SGCD: variants seen among roughly 807,000 people sequenced by gnomAD.
SGCD encodes the protein delta-sarcoglycan.
A neutral mutation model predicts 36.6 loss-of-function variants in SGCD; 18 were observed. The observed-to-expected ratio is 0.49, with a 90% CI of 0.34 to 0.73. The LOEUF (loss-of-function observed/expected upper bound fraction) is 0.73, where lower values mean the gene tolerates loss of function less well. SGCD is among the 30% of genes least tolerant of loss of function. The pLI is 0.01. For missense variants in SGCD, 387 were observed against 346.7 expected, an observed-to-expected ratio of 1.12 and a Z score of -0.92; for synonymous variants, 133 against 130.6, an observed-to-expected ratio of 1.02 and a Z score of -0.12.
At chr5:156,633,783 C>T (rs759151324) in intron 6 of SGCD, among the ~76,000 whole-genome samples, 3 of 152,144 alleles carry the variant, frequency 2.0e-5, no homozygotes, top group Non-Finnish European at 4.4e-5. Context: ...ACAAAGCGTA[C>T]ATGGTGTCAA....
chr5:156,217,165 A>ACAAC (rs1476411435), intron 3 of SGCD, among the ~76,000 whole-genome samples: 1 of 152,212 alleles, frequency 6.6e-6, no homozygotes, highest in Non-Finnish European at 1.5e-5. Flanking sequence ...AAAAGTATTA[A>ACAAC]CGTGATTGAC....
At chr5:156,178,625 A>G (rs1763527525) in intron 3 of SGCD, among the ~76,000 whole-genome samples, 2 of 152,252 alleles carry the variant, frequency 1.3e-5, no homozygotes, top group South Asian at 4.1e-4. Context: ...GAACGATGGC[A>G]TTCTGATGGA....
At chr5:155,884,729 C>T (rs954602215) in intron 1 of SGCD, among the ~76,000 whole-genome samples, 4 of 152,154 alleles carry the variant, frequency 2.6e-5, no homozygotes, top group South Asian at 2.1e-4. Context: ...TTGTTGGTTA[C>T]GTGACTTTGA....
At chr5:156,151,786 G>A (rs1375894207) in intron 3 of SGCD, among the ~76,000 whole-genome samples, 1 of 151,454 alleles carries the variant, frequency 6.6e-6, no homozygotes, top group Admixed American at 6.6e-5. Flanking sequence ...TTAAGATACA[G>A]CTGGACCAAA....
At chr5:156,299,827 T>G (rs1334980596) in intron 3 of SGCD, among the ~76,000 whole-genome samples, 1 of 152,064 alleles carries the variant, frequency 6.6e-6, no homozygotes, top group Non-Finnish European at 1.5e-5. Context: ...AGTTCTAATC[T>G]TTTTTTGGTG....
chr5:156,392,541 C>T (rs1039331374), intron 3 of SGCD, among the ~76,000 whole-genome samples: 2 of 152,144 alleles, frequency 1.3e-5, no homozygotes, highest in Admixed American at 6.5e-5. Context: ...TTACAGGGTG[C>T]TCTTTTAGTT....
At chr5:156,283,416 T>G (rs901447628) in intron 3 of SGCD, among the ~76,000 whole-genome samples, 1 of 152,168 alleles carries the variant, frequency 6.6e-6, no homozygotes, top group African/African-American at 2.4e-5. Context: ...CCTTTAATAT[T>G]TCTTTACACT....
chr5:155,912,162 G>A (rs1756643022), intron 1 of SGCD, among the ~76,000 whole-genome samples: 1 of 151,988 alleles, frequency 6.6e-6, no homozygotes, highest in Admixed American at 6.6e-5. Context: ...GTGTGCTCTT[G>A]AGCCTACCAT....
rs1237088697 is a variant in SGCD, at chr5:156,337,186, C to T, written c.4-7303C>T. The stretch of plus-strand genomic sequence containing the variant: ...TCTGTACCAGGATGATTCAAAATGG[C>T]TTAGATTCCACAACAAACTCTAGAA... On this transcript the variant is annotated intron_variant, in intron 2 of 8. Coordinates refer to ENST00000337851, the MANE Select transcript of SGCD (RefSeq NM_000337.6). 2.0e-5 allele frequency among the ~76,000 whole-genome samples: 3 copies of T among 152,152 alleles called. 1 individual carries two copies. Among genetic ancestry groups the T allele is most frequent in the East Asian group, 3.8e-4 (2 of 5,202 alleles).
upstream of SGCD, among the ~76,000 whole-genome samples, chr5:155,867,376 T>A (rs1163218531): frequency 6.6e-6 from 1 of 152,198 alleles, no homozygotes; most frequent in East Asian, 1.9e-4. Context: ...CCAGCTTTCA[T>A]GTGTGAGGCT....
intron 4 of SGCD, among the ~76,000 whole-genome samples, chr5:156,583,119 G>T (rs540049949): frequency 6.6e-6 from 1 of 152,304 alleles, no homozygotes; most frequent in South Asian, 2.1e-4. Flanking sequence ...TCATAAAGGA[G>T]ATTTTAGTAT....
intron 3 of SGCD, among the ~76,000 whole-genome samples, chr5:156,182,358 A>G (rs1763629941): frequency 6.6e-6 from 1 of 152,256 alleles, no homozygotes; most frequent in African/African-American, 2.4e-5. Context: ...TGGGAGGCCA[A>G]GGTGGGTGGA....
chr5:156,131,153 T>C (rs1448701229), intron 3 of SGCD, among the ~76,000 whole-genome samples: 1 of 152,242 alleles, frequency 6.6e-6, no homozygotes, highest in Non-Finnish European at 1.5e-5. Context: ...GTGAACCTTC[T>C]AGATCATGGA....
Position 156,508,671 on chromosome 5 carries a change from C to G in SGCD, c.263C>G (p.Pro88Arg). 1 of 1,608,590 alleles carries G rather than the reference C, an allele frequency of 6.2e-7. No individual in the cohort carries two copies. Among genetic ancestry groups the G allele is most frequent in the Non-Finnish European group, 8.5e-7 (1 of 1,176,640 alleles). Residue 88 changes from proline (P) to arginine (R), a missense_variant, in exon 4 of 9, where the codon CCT (proline) becomes CGT (arginine). Coordinates refer to ENST00000337851, the MANE Select transcript of SGCD (RefSeq NM_000337.6). ...KLEGDSEFLQ[P>R]LYAKEIQSRP... ...GAAGGAGACTCTGAATTCTTACAAC[C>G]TCTCTACGCCAAAGAAATCCAGTCC...
At chr5:156,488,124 T>G (rs11949030) in intron 3 of SGCD, among the ~76,000 whole-genome samples, 1 of 130,594 alleles carries the variant, frequency 7.7e-6, no homozygotes, top group Non-Finnish European at 1.6e-5. Flanking sequence ...TTTTTTTTTT[T>G]AAATAACCCA....
chr5:156,623,491 C>T (rs1296687339), intron 6 of SGCD, among the ~76,000 whole-genome samples: 5 of 152,200 alleles, frequency 3.3e-5, no homozygotes, highest in Admixed American at 6.5e-5. Context: ...TCTTTTCTGA[C>T]TCAGCCCAAA....
intron 1 of SGCD, among the ~76,000 whole-genome samples, chr5:155,995,131 T>G (rs1758514694): frequency 6.6e-6 from 1 of 152,126 alleles, no homozygotes; most frequent in Non-Finnish European, 1.5e-5. Flanking sequence ...TTCATCCCTG[T>G]TACCTGAAAA....
chr5:156,374,069 G>T (rs976158219), intron 3 of SGCD, among the ~76,000 whole-genome samples: 3 of 151,416 alleles, frequency 2.0e-5, no homozygotes, highest in Admixed American at 6.6e-5. Flanking sequence ...CAGTAACTCG[G>T]ATAAAAATGG....
At position 155,913,555 on chromosome 5, in the gene SGCD, A is replaced by T. The variant is rs139464861; in HGVS notation, c.-282+43131A>T. Reference sequence around the variant, plus strand: ...TCCTTAAATCTTTGCTATTGAATATATTCAATTAAAAACGTTATCATATAT... The same window carrying T: ...TCCTTAAATCTTTGCTATTGAATATTTTCAATTAAAAACGTTATCATATAT... On this transcript the variant is annotated intron_variant, in intron 1 of 9. Transcript: ENST00000517913. 2.0e-3 allele frequency among the ~76,000 whole-genome samples: 311 copies of T among 152,290 alleles called. 1 individual carries two copies. The highest frequency in any genetic ancestry group is 7.1e-3 in the African/African-American group (297 of 41,578).
Sources: allele counts gnomAD v4.1 joint callset (sites outside exome capture counted in the v4.1 genomes callset), GRCh38; gene constraint gnomAD v4.1.1; transcripts MANE v1.5; gene names NCBI Gene and HGNC (gene_info 2026-07-23, HGNC 2026-07-21).